The following ATRNL1 variants were observed in gnomAD, a reference collection of about 807,000 sequenced individuals.
ATRNL1 encodes attractin like 1.
In ATRNL1, 95 loss-of-function variants were observed where a neutral mutation model predicts 182.7. The ratio of observed to expected loss-of-function variants is 0.52; its 90% CI spans 0.44 to 0.62. ATRNL1 has a LOEUF of 0.62. Among genes scored for constraint, ATRNL1 ranks in the 20% least tolerant of loss-of-function variants. The probability of loss-of-function intolerance (pLI) is 0.00; values close to 1 mark genes in which losing one functional copy is unlikely to be tolerated. For synonymous variants in ATRNL1, 576 were observed against 568.3 expected (o/e 1.01, Z -0.19); for missense variants, 1,471 against 1,679.5 (o/e 0.88, Z 2.17).
intron 15 of ATRNL1, among the ~76,000 whole-genome samples, chr10:115,293,784 A>G (rs937023627): frequency 3.3e-5 from 5 of 152,124 alleles, no homozygotes; most frequent in African/African-American, 9.6e-5. Context: ...TGAATATATC[A>G]TTCCATTCCT....
intron 26 of ATRNL1, among the ~76,000 whole-genome samples, chr10:115,660,583 T>C (rs1034388726): frequency 2.0e-5 from 3 of 151,982 alleles, no homozygotes; most frequent in Non-Finnish European, 4.4e-5. Context: ...AAGGATATTT[T>C]AAGAACGCTT....
At chr10:115,335,119 C>G (rs1177689583) in intron 19 of ATRNL1, among the ~76,000 whole-genome samples, 1 of 152,184 alleles carries the variant, frequency 6.6e-6, no homozygotes, top group Non-Finnish European at 1.5e-5. Context: ...ATCTTCCTCT[C>G]TATTCTGCCA....
chr10:115,848,489 T>C (rs1281123171), intron 28 of ATRNL1, among the ~76,000 whole-genome samples: 1 of 152,184 alleles, frequency 6.6e-6, no homozygotes, highest in Non-Finnish European at 1.5e-5. Flanking sequence ...GTTTAAGATA[T>C]GCCATTGCTT....
intron 27 of ATRNL1, among the ~76,000 whole-genome samples, chr10:115,840,287 T>A (rs1950774175): frequency 1.3e-5 from 2 of 152,150 alleles, no homozygotes; most frequent in African/African-American, 4.8e-5. Flanking sequence ...ATTTCTTAAT[T>A]AATTCATTTC....
At chr10:115,386,279 C>A (rs1858344728) in intron 19 of ATRNL1, among the ~76,000 whole-genome samples, 1 of 152,098 alleles carries the variant, frequency 6.6e-6, no homozygotes, top group Non-Finnish European at 1.5e-5. Flanking sequence ...TTAAATTTGT[C>A]TCTAAATATT....
intron 26 of ATRNL1, among the ~76,000 whole-genome samples, chr10:115,596,029 A>G (rs1555013816): frequency 7.9e-5 from 12 of 152,102 alleles, no homozygotes; most frequent in Non-Finnish European, 7.4e-5. Flanking sequence ...AGCTATAGTA[A>G]GTGTTATTCG....
At chr10:115,343,794 G>A (rs1855854638) in intron 19 of ATRNL1, among the ~76,000 whole-genome samples, 1 of 152,106 alleles carries the variant, frequency 6.6e-6, no homozygotes, top group Admixed American at 6.5e-5. Flanking sequence ...CTAGATGTTT[G>A]AAAGGACTTG....
Position 115,160,234 on chromosome 10 carries a change from T to G in ATRNL1, c.1004+20T>G, listed in dbSNP as rs201318286. ...CCTAAAGTAAGTATTTATTTTCAGA[T>G]TCTTGCTGTTTTTTAAGCTGGATTT... is the stretch of plus-strand genomic sequence containing the variant. On this transcript the variant is annotated intron_variant, in intron 6 of 28. Transcript: ENST00000355044. The G allele has an allele frequency of 4.6e-5, 72 of 1,572,204 alleles. No individual in the cohort carries two copies. Among genetic ancestry groups the G allele is most frequent in the Non-Finnish European group, 6.1e-5 (71 of 1,155,620 alleles).
At chr10:115,486,470 T>C (rs1004711010) in intron 24 of ATRNL1, among the ~76,000 whole-genome samples, 1 of 152,102 alleles carries the variant, frequency 6.6e-6, no homozygotes, top group African/African-American at 2.4e-5. Context: ...CTCATTGTGG[T>C]TTTGATTTGC....
intron 3 of ATRNL1, among the ~76,000 whole-genome samples, chr10:115,122,027 A>G (rs1844760883): frequency 6.6e-6 from 1 of 152,034 alleles, no homozygotes; most frequent in South Asian, 2.1e-4. Context: ...TTGGAAATAT[A>G]GATTTCTTTC....
intron 26 of ATRNL1, among the ~76,000 whole-genome samples, chr10:115,646,789 C>T (rs184909207): frequency 6.6e-6 from 1 of 151,734 alleles, no homozygotes; most frequent in African/African-American, 2.4e-5. Flanking sequence ...CACTAAATAG[C>T]ATGTATGAAT....
intron 19 of ATRNL1, among the ~76,000 whole-genome samples, chr10:115,343,315 A>C (rs782090262): frequency 5.3e-5 from 8 of 151,772 alleles, no homozygotes. Flanking sequence ...ATTGTTTTTA[A>C]TCTTCTTCTT....
intron 24 of ATRNL1, among the ~76,000 whole-genome samples, chr10:115,472,243 A>G (rs1264060767): frequency 3.3e-5 from 5 of 151,086 alleles, no homozygotes; most frequent in Admixed American, 6.6e-5. Context: ...TTTGATTACT[A>G]TAGATTCATA....
At chr10:115,267,190 A>T (rs1163454962) in intron 12 of ATRNL1, among the ~76,000 whole-genome samples, 185 bp downstream of exon 12, 1 of 150,988 alleles carries the variant, frequency 6.6e-6, no homozygotes, top group Non-Finnish European at 1.5e-5. Context: ...AGCTATTTTT[A>T]GCTTTATTTT....
At chr10:115,291,857 G>A (rs1005932386) in intron 15 of ATRNL1, among the ~76,000 whole-genome samples, 7 of 143,482 alleles carry the variant, frequency 4.9e-5, no homozygotes, top group East Asian at 2.0e-4. Context: ...TTTGGTATCA[G>A]TGTTATGCTG....
chr10:115,490,067 C>T (rs1306661465), intron 24 of ATRNL1, among the ~76,000 whole-genome samples: 1 of 152,202 alleles, frequency 6.6e-6, no homozygotes, highest in Admixed American at 6.5e-5. Flanking sequence ...TCTCTTCTGG[C>T]TCGTAGGGTG....
intron 24 of ATRNL1, among the ~76,000 whole-genome samples, chr10:115,481,788 A>G: frequency 6.6e-6 from 1 of 150,892 alleles, no homozygotes; most frequent in East Asian, 1.9e-4. Flanking sequence ...ACACGCTTCC[A>G]TTTTAAACCT....
chr10:115,408,478 T>C (rs1246387940), intron 20 of ATRNL1, among the ~76,000 whole-genome samples: 2 of 152,234 alleles, frequency 1.3e-5, no homozygotes, highest in East Asian at 3.8e-4. Flanking sequence ...TGGCTCTTAA[T>C]ATCCTGTCAG....
chr10:115,735,632 A>G (rs890249789), intron 27 of ATRNL1, among the ~76,000 whole-genome samples: 3 of 152,224 alleles, frequency 2.0e-5, no homozygotes, highest in Non-Finnish European at 2.9e-5. Flanking sequence ...ATTAAATAAA[A>G]TAAGGGTACT....
Sources: allele counts gnomAD v4.1 joint callset (sites outside exome capture counted in the v4.1 genomes callset), GRCh38; gene constraint gnomAD v4.1.1; transcripts MANE v1.5; gene names NCBI Gene and HGNC (gene_info 2026-07-23, HGNC 2026-07-21).